NFAT5: variants seen among roughly 807,000 people sequenced by gnomAD.
The protein encoded by NFAT5 is nuclear factor of activated T cells 5.
NFAT5 carries 31 observed loss-of-function variants against 166.5 expected under a neutral mutation model. The ratio of observed to expected loss-of-function variants is 0.19; its 90% CI spans 0.14 to 0.25. The LOEUF (loss-of-function observed/expected upper bound fraction) is 0.25. NFAT5 is among the 10% of genes least tolerant of loss of function. The pLI, the probability that NFAT5 is intolerant of heterozygous loss-of-function variation, is 1.00. For missense variants in NFAT5, 1,449 were observed against 1,821.8 expected (o/e 0.80, Z 3.72); for synonymous variants, 612 against 639.7 (o/e 0.96, Z 0.65).
Position 69,651,089 on chromosome 16 carries a change from G to A in NFAT5, c.813-2147G>A, listed in dbSNP as rs10500552. Among the ~76,000 whole-genome samples, 802 of 152,232 alleles carry A rather than the reference G, an allele frequency of 5.3e-3. 3 individuals carry two copies. Among genetic ancestry groups the A allele is most frequent in the African/African-American group, 0.018 (738 of 41,530 alleles). ...TGATTTACTTATGTCAAATTTACAC[G>A]AATGGCATTCCTTGTCCAGTTAGGA... On this transcript the variant is annotated intron_variant, in intron 4 of 14. Transcript: ENST00000349945.
chr16:69,614,150 TTC>T (rs1033914418), intron 2 of NFAT5, among the ~76,000 whole-genome samples: 1 of 152,110 alleles, frequency 6.6e-6, no homozygotes, highest in East Asian at 1.9e-4. Context: ...TTTCTTCTCT[TTC>T]TCTCTTTTTT....
chr16:69,648,359 A>C (rs996387585), intron 4 of NFAT5: 1 of 983,312 alleles, frequency 1.0e-6, no homozygotes, highest in Non-Finnish European at 1.2e-6. Flanking sequence ...ACAAGAAAAA[A>C]CTAAATTGAG....
intron 9 of NFAT5, among the ~76,000 whole-genome samples, chr16:69,671,529 T>C (rs2036620247): frequency 6.6e-6 from 1 of 152,160 alleles, no homozygotes; most frequent in Non-Finnish European, 1.5e-5. Context: ...TGCCACCATG[T>C]CCAGCTAATT....
intron 9 of NFAT5, among the ~76,000 whole-genome samples, chr16:69,676,163 G>T (rs1003028332): frequency 6.6e-6 from 1 of 152,116 alleles, no homozygotes; most frequent in Admixed American, 6.6e-5. Flanking sequence ...CAGATCATTA[G>T]TGAAAAAGCA....
chr16:69,566,408 CG>C lies in NFAT5; in HGVS notation c.73+38del, dbSNP rs2016037604. ...GGCTGTGGGGGGTGGGGCGTGGGGG[CG>C]GGGAGACAGGGAGACAGGGAGACAG... On this transcript the variant is annotated intron_variant, in intron 1 of 14. Transcript: ENST00000349945. The surrounding 1 kb of genome is among the most constrained non-coding windows in gnomAD (Gnocchi z 5.7). 1 of 515,518 alleles carries C rather than the reference CG, an allele frequency of 1.9e-6. No individual in the cohort carries two copies. Among genetic ancestry groups the C allele is most frequent in the South Asian group, 1.7e-5 (1 of 60,390 alleles). The allele number at this position is 515,518 out of a possible 1,614,324, so 31.9% of individuals were successfully genotyped here.
intron 9 of NFAT5, among the ~76,000 whole-genome samples, chr16:69,675,515 C>T (rs1044244403): frequency 6.6e-6 from 1 of 152,206 alleles, no homozygotes; most frequent in African/African-American, 2.4e-5. Flanking sequence ...TGCCTTATAA[C>T]TGTGGATGTA....
chr16:69,660,287 G>A (rs1385674406), intron 7 of NFAT5, among the ~76,000 whole-genome samples: 1 of 152,068 alleles, frequency 6.6e-6, no homozygotes, highest in Non-Finnish European at 1.5e-5. Flanking sequence ...TAATAAGTTG[G>A]GTGTGATGGC....
At chr16:69,627,245 T>C (rs1257583082) in intron 3 of NFAT5, among the ~76,000 whole-genome samples, 2 of 150,194 alleles carry the variant, frequency 1.3e-5, no homozygotes, top group East Asian at 3.9e-4. Flanking sequence ...TTAGTATCAG[T>C]CCTTCCTGTA....
At chr16:69,677,067 A>G in intron 9 of NFAT5, 136 bp from the exon 10 acceptor site, 1 of 798,496 alleles carries the variant, frequency 1.3e-6, no homozygotes, top group Non-Finnish European at 1.9e-6. Context: ...ATGCCTGTGA[A>G]CCTGAGCTTT....
In NFAT5 at chr16:69,691,959, G is replaced by C; in HGVS notation, c.2134G>C (p.Ala712Pro). 1 of 1,614,006 alleles carries C rather than the reference G, an allele frequency of 6.2e-7. No individual in the cohort carries two copies. The highest frequency in any genetic ancestry group is 8.5e-7 in the Non-Finnish European group (1 of 1,180,032). Residue 712 changes from alanine (A) to proline (P), a missense_variant, in exon 13 of 15, where the codon GCT (alanine) becomes CCT (proline). Ala to Pro is a conservative substitution (Grantham distance 27). This residue lies in a region of NFAT5 where 891 missense variants were observed against 993.0 expected (regional missense o/e 0.90). Transcript: ENST00000349945. Reference protein sequence around the residue: ...SQPGTFPAVSASSQLPNSDAL... With the variant: ...SQPGTFPAVSPSSQLPNSDAL... ...GCCTGGTACTTTTCCAGCAGTTTCT[G>C]CTTCTAGTCAGCTGCCCAACAGCGA...
At chr16:69,584,018 A>G (rs548276702) in intron 2 of NFAT5, among the ~76,000 whole-genome samples, 1 of 152,184 alleles carries the variant, frequency 6.6e-6, no homozygotes, top group East Asian at 1.9e-4. Flanking sequence ...TGAGGTCAGG[A>G]GCTTAAGACC....
At chr16:69,613,214 AT>A (rs2033785640) in intron 2 of NFAT5, among the ~76,000 whole-genome samples, 1 of 152,128 alleles carries the variant, frequency 6.6e-6, no homozygotes, top group South Asian at 2.1e-4. Context: ...TTCGTAGCCT[AT>A]TGACTATTTC....
chr16:69,635,023 G>GTTTTTTTTTTTT (rs530661389), intron 3 of NFAT5, among the ~76,000 whole-genome samples: 8 of 105,268 alleles, frequency 7.6e-5, no homozygotes, highest in Admixed American at 1.1e-4. Flanking sequence ...TGTTAGTAAA[G>GTTTTTTTTTTTT]TTTTTTTTTT....
In NFAT5 at chr16:69,696,978, G is replaced by A. The variant is rs1408426820; in HGVS notation, c.*627G>A. 6.6e-6 allele frequency: 1 copy of A among 152,450 alleles called. No individual in the cohort carries two copies. Among genetic ancestry groups the A allele is most frequent in the Non-Finnish European group, 1.5e-5 (1 of 68,014 alleles). The allele number at this position is 152,450 out of a possible 1,614,324, so 9.4% of individuals were successfully genotyped here. ...TACACTTATAAAACTGGGAACAGCTGGAATGCTTCTTGATTTTATTTTTTC... is the reference window on the plus strand; with the variant it reads ...TACACTTATAAAACTGGGAACAGCTAGAATGCTTCTTGATTTTATTTTTTC... On this transcript the variant is annotated 3_prime_UTR_variant, in exon 15 of 15. Transcript: ENST00000349945.
At position 69,701,278 on chromosome 16, in the gene NFAT5, T is replaced by C. The variant is rs898025864; in HGVS notation, c.*4927T>C. ...TTACTTCTTTAATCCCCATTTATTT[T>C]TATGCCATTCTAGCCTCATTTATTA... On this transcript the variant is annotated 3_prime_UTR_variant, in exon 15 of 15. Coordinates refer to ENST00000349945, the MANE Select transcript of NFAT5 (RefSeq NM_138713.4). 2 of 152,534 alleles carry C rather than the reference T, an allele frequency of 1.3e-5. No homozygotes were observed. The highest frequency in any genetic ancestry group is 4.8e-5 in the African/African-American group (2 of 41,428). 9.4% of individuals were successfully genotyped at this position (152,534 alleles called of 1,614,324 possible).
At chr16:69,648,918 A>C in intron 4 of NFAT5, 1 of 966,438 alleles carries the variant, frequency 1.0e-6, no homozygotes, top group Non-Finnish European at 1.2e-6. Context: ...TTTAAAAAGT[A>C]ATATCTACCC....
intron 6 of NFAT5, among the ~76,000 whole-genome samples, chr16:69,656,152 G>C (rs1176307660): frequency 6.6e-6 from 1 of 151,574 alleles, no homozygotes; most frequent in South Asian, 2.1e-4. Flanking sequence ...GTGGTGGCAC[G>C]TGCCTGTAAT....
intron 4 of NFAT5, chr16:69,648,391 A>G (rs1435647444): frequency 1.0e-6 from 1 of 981,368 alleles, no homozygotes; most frequent in East Asian, 1.1e-4. Context: ...CATCATTTAG[A>G]TTCATGTATC....
intron 2 of NFAT5, among the ~76,000 whole-genome samples, chr16:69,570,281 C>G (rs1397994306): frequency 6.6e-6 from 1 of 152,058 alleles, no homozygotes; most frequent in Non-Finnish European, 1.5e-5. Context: ...TGTTTTGAGA[C>G]AGGGTGTCTT....
Sources: allele counts gnomAD v4.1 joint callset (sites outside exome capture counted in the v4.1 genomes callset), GRCh38; gene constraint gnomAD v4.1.1; regional missense constraint gnomAD v4.1.1; non-coding constraint Gnocchi (gnomAD v3.1); transcripts MANE v1.5; gene names NCBI Gene and HGNC (gene_info 2026-07-23, HGNC 2026-07-21).